Variants in TTC7A observed in about 807,000 individuals in gnomAD.
The protein encoded by TTC7A is tetratricopeptide repeat protein 7A.
Under a neutral mutation model 103.7 loss-of-function variants are expected in TTC7A, and 110 were observed. The observed-to-expected ratio is 1.06, with a 90% confidence interval of 0.91 to 1.24. The LOEUF is 1.24. TTC7A is among the 50% of genes most tolerant of loss of function. TTC7A has a pLI of 0.00. For synonymous variants in TTC7A, 521 were observed against 467.9 expected (o/e 1.11, Z -1.47); for missense variants, 1,340 against 1,116.3 (o/e 1.20, Z -2.86).
chr2:47,013,409 C>T (rs1237042411), intron 11 of TTC7A, among the ~76,000 whole-genome samples: 1 of 152,168 alleles, frequency 6.6e-6, no homozygotes, highest in African/African-American at 2.4e-5. Context: ...GTGTGCAGAG[C>T]AGGTGGGCTC....
intron 5 of TTC7A, among the ~76,000 whole-genome samples, chr2:46,982,248 C>T (rs763490827): frequency 1.3e-5 from 2 of 151,850 alleles, no homozygotes; most frequent in Non-Finnish European, 1.5e-5. Context: ...GTGGCATGCA[C>T]CTGTAGTCTC....
At chr2:47,071,964 C>G (rs998501282) in intron 19 of TTC7A, among the ~76,000 whole-genome samples, 2 of 152,248 alleles carry the variant, frequency 1.3e-5, no homozygotes, top group Non-Finnish European at 2.9e-5. Flanking sequence ...TGTGTGGCTC[C>G]CTCCTGGGCA....
At chr2:47,071,214 TC>T (rs1322925050) in intron 19 of TTC7A, 1 of 152,240 alleles carries the variant, frequency 6.6e-6, no homozygotes, top group Non-Finnish European at 1.5e-5. Flanking sequence ...AAACATGAAC[TC>T]GGCTGGTGTC....
At chr2:46,971,315 G>A (rs1673334855) in intron 3 of TTC7A, among the ~76,000 whole-genome samples, 1 of 152,170 alleles carries the variant, frequency 6.6e-6, no homozygotes. Flanking sequence ...GCATTTAGTG[G>A]GTCAGAATAT....
chr2:46,990,770 C>T (rs911919297), intron 5 of TTC7A, among the ~76,000 whole-genome samples: 2 of 152,174 alleles, frequency 1.3e-5, no homozygotes, highest in African/African-American at 4.8e-5. Flanking sequence ...CAGATTGTCC[C>T]TTCTGAAGCC....
Position 47,073,802 on chromosome 2 carries a change from TGGGCGAGGTGCTGCAGGCCCA to T in TTC7A, c.2461_2481del (p.Glu821_Gly827del), listed in dbSNP as rs1347522771. 4.3e-6 allele frequency: 7 copies of T among 1,613,584 alleles called. No individual in the cohort carries two copies. The highest frequency in any genetic ancestry group is 5.1e-6 in the Non-Finnish European group (6 of 1,180,006). ...ACGTGCCACGAGGCGTGGCAGGGCC[TGGGCGAGGTGCTGCAGGCCCA>T]GGGCCAGAACGAGGCTGCCGTTGAC... On this transcript the variant is annotated inframe_deletion, in exon 20 of 20. Transcript: ENST00000319190.
chr2:47,046,288 G>C (rs747516294), intron 15 of TTC7A, 27 bp from the exon 16 acceptor site: 1 of 1,590,414 alleles, frequency 6.3e-7, no homozygotes. Context: ...GCTGGGGTGT[G>C]CTGATGGCCA....
intron 15 of TTC7A, among the ~76,000 whole-genome samples, chr2:47,042,675 A>AGTGTGTGTGTGT (rs10587096): frequency 5.8e-4 from 86 of 148,484 alleles, no homozygotes; most frequent in African/African-American, 1.9e-3. Flanking sequence ...CTGAGCCCCA[A>AGTGTGTGTGTGT]GTGTGTGTGT....
upstream of TTC7A, among the ~76,000 whole-genome samples, chr2:46,938,218 A>AT (rs1373411505): frequency 6.6e-5 from 10 of 152,336 alleles, no homozygotes; most frequent in South Asian, 1.9e-3. Flanking sequence ...AAGGTGTTCA[A>AT]TTTCCCACTC....
At position 46,950,398 on chromosome 2, in the gene TTC7A, C is replaced by T; in HGVS notation, c.220C>T (p.Leu74=). Residue 74 remains leucine (L), a synonymous_variant, in exon 2 of 20, where the codon CTG becomes TTG. Coordinates refer to ENST00000319190, the MANE Select transcript of TTC7A (RefSeq NM_020458.4). ...GAAATTGCTGCTGGCTGAGGCCCTC[C>T]TGGAGCAGTGTTTGAAGGAGAACCA... ...FGKLLLAEAL[L]EQCLKENHAK... is the part of the protein sequence containing the mutation. The T allele has an allele frequency of 6.2e-7, 1 of 1,614,124 alleles. No homozygotes were observed. The highest frequency in any genetic ancestry group is 8.5e-7 in the Non-Finnish European group (1 of 1,180,000).
chr2:47,047,738 G>A (rs911078666), intron 16 of TTC7A, among the ~76,000 whole-genome samples: 1 of 152,340 alleles, frequency 6.6e-6, no homozygotes, highest in Non-Finnish European at 1.5e-5. Context: ...TCCCAGCATT[G>A]AAGACCTGGC....
chr2:46,995,296 C>G lies in TTC7A; in HGVS notation c.1065+97C>G, dbSNP rs570413626. The G allele has an allele frequency of 2.0e-5, 24 of 1,200,260 alleles. No individual in the cohort carries two copies. The East Asian group carries it at 6.0e-4, about 30-fold the overall frequency. The allele number at this position is 1,200,260 out of a possible 1,614,324, so 74.4% of individuals were successfully genotyped here. On this transcript the variant is annotated intron_variant, in intron 8 of 19. Coordinates refer to ENST00000319190, the MANE Select transcript of TTC7A (RefSeq NM_020458.4). ...ACAGGCCACCCGTGACCTAGCCAAA[C>G]TCTGTCTCCCAGGGATACTCCTAAA...
rs564568651 is a variant in TTC7A, at chr2:46,945,316, G to A, written c.184+3591G>A. ...TTGCCAGGCTGGAGTGCAGTGGTGC[G>A]ATCTCGGCTCATTGCAACCTCTGCC... On this transcript the variant is annotated intron_variant, in intron 1 of 19. Transcript: ENST00000319190. Among the ~76,000 whole-genome samples, 44 of 151,948 alleles carry A rather than the reference G, an allele frequency of 2.9e-4. 1 individual carries two copies. The highest frequency in any genetic ancestry group is 1.9e-3 in the Admixed American group (29 of 15,264).
chr2:46,989,388 A>C (rs932278835), intron 5 of TTC7A, among the ~76,000 whole-genome samples: 1 of 152,266 alleles, frequency 6.6e-6, no homozygotes, highest in African/African-American at 2.4e-5. Context: ...GGCCTCTGGC[A>C]GGGCAGCCAG....
chr2:47,020,201 C>T (rs959055500), intron 11 of TTC7A, among the ~76,000 whole-genome samples: 26 of 152,176 alleles, frequency 1.7e-4, no homozygotes, highest in African/African-American at 6.3e-4. Context: ...CAGATGAGGA[C>T]CTTGGGACAC....
chr2:47,057,134 A>G (rs1482211357), intron 18 of TTC7A, among the ~76,000 whole-genome samples: 1 of 152,220 alleles, frequency 6.6e-6, no homozygotes, highest in Admixed American at 6.5e-5. Context: ...AGCCGAAGGC[A>G]TCTGCTCAGG....
rs781762867 is a variant in TTC7A, at chr2:46,957,015, T to C, written c.517+8T>C. On this transcript the variant is annotated splice_region_variant and intron_variant, in intron 3 of 19. Transcript: ENST00000319190. ...AGGCTTTTGTCATCAAAGGTAGCTG[T>C]GGGCACCAGCCTGGGCTCCCCTCCA... The C allele has an allele frequency of 1.9e-6, 3 of 1,614,056 alleles. No individual in the cohort carries two copies. Among genetic ancestry groups the C allele is most frequent in the Non-Finnish European group, 2.5e-6 (3 of 1,179,952 alleles).
intron 15 of TTC7A, among the ~76,000 whole-genome samples, chr2:47,040,881 T>C (rs1200115672): frequency 6.6e-6 from 1 of 152,200 alleles, no homozygotes; most frequent in Non-Finnish European, 1.5e-5. Flanking sequence ...CCTGGGCCAG[T>C]GTGTATTCAC....
intron 5 of TTC7A, among the ~76,000 whole-genome samples, chr2:46,991,396 G>C (rs189144099): frequency 7.9e-5 from 12 of 152,184 alleles, no homozygotes; most frequent in Middle Eastern, 3.4e-3. Flanking sequence ...CACTTTGAGA[G>C]GCTGAAGTGG....
Sources: allele counts gnomAD v4.1 joint callset (sites outside exome capture counted in the v4.1 genomes callset), GRCh38; gene constraint gnomAD v4.1.1; transcripts MANE v1.5; gene names NCBI Gene and HGNC (gene_info 2026-07-23, HGNC 2026-07-21).